The following TCF4 variants were observed in gnomAD, a reference collection of about 807,000 sequenced individuals.
TCF4 encodes SL3-3 enhancer factor 2.
Under a neutral mutation model 82.1 loss-of-function variants are expected in TCF4, and 3 were observed. The ratio of observed to expected loss-of-function variants is 0.04; its 90% CI spans 0.02 to 0.09. TCF4 has a LOEUF of 0.09. TCF4 is among the 10% of genes least tolerant of loss of function. TCF4 has a pLI of 1.00. For missense variants in TCF4, 518 were observed against 852.7 expected (o/e 0.61, Z 4.89); for synonymous variants, 276 against 309.6 (o/e 0.89, Z 1.14).
intron 3 of TCF4, among the ~76,000 whole-genome samples, chr18:55,573,845 C>T (rs1008088153): frequency 6.6e-6 from 1 of 152,184 alleles, no homozygotes; most frequent in South Asian, 2.1e-4. Flanking sequence ...GCCTGTCTTG[C>T]TCATCATTTT....
At chr18:55,252,180 G>C (rs1600212959) in intron 15 of TCF4, among the ~76,000 whole-genome samples, 1 of 152,044 alleles carries the variant, frequency 6.6e-6, no homozygotes, top group African/African-American at 2.4e-5. Flanking sequence ...AGGAAGAAAG[G>C]AGAGAGACTG....
chr18:55,424,044 T>A (rs1426177676), intron 5 of TCF4, among the ~76,000 whole-genome samples: 1 of 152,114 alleles, frequency 6.6e-6, no homozygotes, highest in East Asian at 1.9e-4. Flanking sequence ...CTAACCATCA[T>A]TACGCTCATT....
intron 14 of TCF4, among the ~76,000 whole-genome samples, chr18:55,254,950 C>T (rs940866387): frequency 1.3e-5 from 2 of 152,164 alleles, no homozygotes; most frequent in Non-Finnish European, 2.9e-5. Context: ...GACATTATAA[C>T]ATACATGTGC....
chr18:55,590,144 C>A (rs528662359), upstream of TCF4, among the ~76,000 whole-genome samples: 4 of 152,354 alleles, frequency 2.6e-5, no homozygotes, highest in African/African-American at 9.6e-5. Context: ...CACAGACTTC[C>A]GCAGGGAAGT....
chr18:55,494,965 T>A (rs1212408360), intron 3 of TCF4, among the ~76,000 whole-genome samples: 4 of 142,560 alleles, frequency 2.8e-5, no homozygotes, highest in Middle Eastern at 7.1e-3. Context: ...AGCCTTTCTT[T>A]AAAAAAAAAA....
intron 6 of TCF4, among the ~76,000 whole-genome samples, chr18:55,395,605 G>A (rs905925883): frequency 1.3e-5 from 2 of 152,076 alleles, no homozygotes; most frequent in Admixed American, 6.6e-5. Context: ...TGCCATAATC[G>A]AAAAATTATT....
intron 8 of TCF4, among the ~76,000 whole-genome samples, chr18:55,293,679 A>G (rs1412401529): frequency 6.6e-6 from 1 of 152,148 alleles, no homozygotes; most frequent in Non-Finnish European, 1.5e-5. Context: ...TAGGGGCCCT[A>G]AGGTATTTAA....
At chr18:55,275,836 G>T in intron 9 of TCF4, 84 bp from the exon 10 acceptor site, 1 of 1,534,830 alleles carries the variant, frequency 6.5e-7, no homozygotes, top group South Asian at 1.1e-5. Context: ...ACTTGAAAAT[G>T]ACTGCCTGTT....
At chr18:55,560,166 G>A (rs1429725146) in intron 3 of TCF4, among the ~76,000 whole-genome samples, 2 of 152,136 alleles carry the variant, frequency 1.3e-5, no homozygotes, top group Admixed American at 6.6e-5. Flanking sequence ...CTGTACAGAC[G>A]ATTTCCGTAA....
intron 6 of TCF4, among the ~76,000 whole-genome samples, chr18:55,399,141 G>A (rs1197961715): frequency 1.3e-5 from 2 of 152,170 alleles, no homozygotes; most frequent in Non-Finnish European, 2.9e-5. Flanking sequence ...AAAACTAAAA[G>A]AGGCCAAAAG....
intron 8 of TCF4, chr18:55,321,227 C>G (rs987181921): frequency 4.8e-6 from 1 of 208,912 alleles, no homozygotes; most frequent in East Asian, 1.2e-4. Context: ...TTAGATATCA[C>G]AAAACCTCAA....
At chr18:55,537,898 G>A (rs2097131224) in intron 3 of TCF4, among the ~76,000 whole-genome samples, 1 of 152,086 alleles carries the variant, frequency 6.6e-6, no homozygotes, top group Non-Finnish European at 1.5e-5. Flanking sequence ...AGGATAAATA[G>A]ATTTTTAATT....
chr18:55,467,346 T>C (rs575846095), intron 3 of TCF4, among the ~76,000 whole-genome samples: 5 of 152,156 alleles, frequency 3.3e-5, no homozygotes, highest in Non-Finnish European at 7.3e-5. Flanking sequence ...CACCACCAAG[T>C]GCATTTCAAA....
intron 2 of TCF4, among the ~76,000 whole-genome samples, chr18:55,620,775 A>T (rs955111438): frequency 6.7e-4 from 98 of 145,814 alleles, no homozygotes; most frequent in African/African-American, 2.4e-3. Context: ...AAGTGAAATT[A>T]TTATCTCATA....
At position 55,480,657 on chromosome 18, in the gene TCF4, C is replaced by T. The variant is rs530024522; in HGVS notation, c.146-16520G>A. Among the ~76,000 whole-genome samples the T allele has an allele frequency of 1.2e-4, 19 of 152,292 alleles. No homozygotes were observed. In the South Asian group the frequency reaches 1.4e-3, roughly 12 times the overall value. On this transcript the variant is annotated intron_variant, in intron 3 of 19. Coordinates refer to ENST00000354452, the MANE Select transcript of TCF4 (RefSeq NM_001083962.2). ...ATTTTTCATGTCACCTTGTGTAAGG[C>T]GTGGCCCTGTTCCCGGTCTCTTTAT...
intron 8 of TCF4, among the ~76,000 whole-genome samples, chr18:55,298,721 G>T (rs1207913812): frequency 6.6e-6 from 1 of 152,174 alleles, no homozygotes; most frequent in East Asian, 1.9e-4. Flanking sequence ...ATTGCCAGTT[G>T]CTCTGAATTC....
intron 6 of TCF4, chr18:55,351,675 G>T: frequency 4.0e-6 from 1 of 247,662 alleles, no homozygotes; most frequent in Non-Finnish European, 6.4e-6. Flanking sequence ...ACATTTACCT[G>T]AACACTAGAA....
Position 55,257,371 on chromosome 18 carries a change from T to C in TCF4, c.1090A>G (p.Arg364Gly). The C allele has an allele frequency of 6.2e-7, 1 of 1,613,746 alleles. No individual in the cohort carries two copies. Among genetic ancestry groups the C allele is most frequent in the Non-Finnish European group, 8.5e-7 (1 of 1,179,704 alleles). The stretch of plus-strand genomic sequence containing the variant: ...GACGATGAGGCCTGTCCTCCATTTC[T>C]AGACCAAACAGCTGTGCCTGCTGAT... ...SLSAGTAVWS[R>G]NGGQASSSPN... Residue 364 changes from arginine to glycine, a missense_variant, in exon 14 of 20, where the codon AGA becomes GGA. Arg to Gly is a moderately radical substitution (Grantham distance 125, BLOSUM62 -2). Coordinates refer to ENST00000354452, the MANE Select transcript of TCF4 (RefSeq NM_001083962.2).
rs2089843058 is a variant in TCF4, at chr18:55,373,292, A to C, written c.370-22289T>G. On this transcript the variant is annotated intron_variant, in intron 6 of 19. Transcript: ENST00000354452. ...TCTAAGGCAAAAATGTAAAAAAAGA[A>C]AAAAGTTGGATATTTCATACTGATG... Among the ~76,000 whole-genome samples the C allele has an allele frequency of 3.3e-5, 5 of 152,162 alleles. No individual in the cohort carries two copies. The South Asian group carries it at 1.0e-3, about 32-fold the overall frequency.
Sources: gnomAD v4.1 joint callset for allele counts (sites outside exome capture counted in the v4.1 genomes callset) on GRCh38, gnomAD v4.1.1 for gene constraint, MANE v1.5 for transcripts, NCBI Gene and HGNC (gene_info 2026-07-23, HGNC 2026-07-21) for gene names.